Variants in FGF12 observed in about 807,000 individuals in gnomAD.
FGF12 encodes fibroblast growth factor 12B.
In FGF12, 14 loss-of-function variants were observed where a neutral mutation model predicts 23.6. That is an observed-to-expected ratio of 0.59 (90% CI 0.39 to 0.93). The LOEUF (loss-of-function observed/expected upper bound fraction) is 0.93. Among genes scored for constraint, FGF12 ranks in the 40% least tolerant of loss-of-function variants. The pLI is 0.00. For synonymous variants in FGF12, 62 were observed against 77.3 expected, an observed-to-expected ratio of 0.80 and a Z score of 1.04; for missense variants, 175 against 217.8, an observed-to-expected ratio of 0.80 and a Z score of 1.24.
intron 2 of FGF12, among the ~76,000 whole-genome samples, chr3:192,432,620 C>CAAAAAAAAAAAAA (rs201364119): frequency 8.4e-5 from 9 of 106,720 alleles, no homozygotes; most frequent in East Asian, 3.0e-4. Context: ...TGACATCTGG[C>CAAAAAAAAAAAAA]AAAAAAAAAA....
At chr3:192,247,920 T>C (rs571871174) in intron 4 of FGF12, among the ~76,000 whole-genome samples, 1 of 152,308 alleles carries the variant, frequency 6.6e-6, no homozygotes, top group Non-Finnish European at 1.5e-5. Flanking sequence ...TTGTAATGTC[T>C]AAAAAATTAG....
intron 5 of FGF12, among the ~76,000 whole-genome samples, chr3:192,149,239 A>G (rs755678815): frequency 6.6e-5 from 10 of 152,226 alleles, no homozygotes; most frequent in Non-Finnish European, 1.2e-4. Context: ...ACAACTAGTC[A>G]GTATAGTCAA....
At chr3:192,230,818 T>C (rs552429257) in intron 4 of FGF12, among the ~76,000 whole-genome samples, 71 of 152,234 alleles carry the variant, frequency 4.7e-4, no homozygotes, top group Non-Finnish European at 7.9e-4. Context: ...GAATGATCAA[T>C]CAAATTCATA....
intron 2 of FGF12, among the ~76,000 whole-genome samples, chr3:192,365,545 T>C (rs193188857): frequency 6.6e-6 from 1 of 152,204 alleles, no homozygotes; most frequent in Non-Finnish European, 1.5e-5. Context: ...ATGAGAACTC[T>C]GTACTATCTT....
intron 2 of FGF12, among the ~76,000 whole-genome samples, chr3:192,527,627 T>C (rs556089838): frequency 6.6e-6 from 1 of 152,378 alleles, no homozygotes; most frequent in Non-Finnish European, 1.5e-5. Flanking sequence ...CCTGGGCTTA[T>C]GTAAATAATC....
rs199759141 is a variant in FGF12 at position 192,376,121 on chromosome 3, G to A, written c.14-15583C>T. ...CATTGTATCTTTTCTTCTTTCCCAG[G>A]ACTCCATTGAAATGCATGTTGGAGC... On this transcript the variant is annotated intron_variant, in intron 2 of 5. Coordinates refer to ENST00000445105, the MANE Select transcript of FGF12 (RefSeq NM_004113.6). Among the ~76,000 whole-genome samples the A allele has an allele frequency of 1.5e-4, 22 of 151,708 alleles. No homozygotes were observed. In the East Asian group the frequency reaches 3.9e-3, roughly 27 times the overall value.
At chr3:192,711,514 A>G (rs1367242120) in intron 2 of FGF12, among the ~76,000 whole-genome samples, 1 of 152,320 alleles carries the variant, frequency 6.6e-6, no homozygotes, top group East Asian at 1.9e-4. Flanking sequence ...AAAGGGGGAA[A>G]TGTGGGGAAA....
At chr3:192,541,551 G>C (rs1268725631) in intron 2 of FGF12, among the ~76,000 whole-genome samples, 3 of 151,998 alleles carry the variant, frequency 2.0e-5, no homozygotes, top group African/African-American at 7.2e-5. Flanking sequence ...TAAGATGTGA[G>C]TAGTTTACAC....
intron 2 of FGF12, among the ~76,000 whole-genome samples, chr3:192,400,481 G>T (rs1193731136): frequency 6.7e-6 from 1 of 148,748 alleles, no homozygotes; most frequent in African/African-American, 2.5e-5. Context: ...TGATTCTCCT[G>T]CCTCAGCCTC....
intron 2 of FGF12, among the ~76,000 whole-genome samples, chr3:192,419,057 A>G (rs1721441828): frequency 6.6e-6 from 1 of 152,188 alleles, no homozygotes; most frequent in Non-Finnish European, 1.5e-5. Flanking sequence ...TGGGAAAGCT[A>G]AAAGTCATAG....
intron 4 of FGF12, among the ~76,000 whole-genome samples, chr3:192,230,003 G>A (rs1023805412): frequency 3.3e-5 from 5 of 152,024 alleles, no homozygotes; most frequent in African/African-American, 7.2e-5. Flanking sequence ...TGCATATGAC[G>A]GAGCTTATTA....
intron 2 of FGF12, among the ~76,000 whole-genome samples, chr3:192,668,836 A>T (rs1260746511): frequency 3.3e-5 from 5 of 152,246 alleles, no homozygotes; most frequent in Non-Finnish European, 5.9e-5. Flanking sequence ...AGGATAATCC[A>T]TATCCACGAA....
chr3:192,244,971 A>G (rs1719812034), intron 4 of FGF12: 1 of 152,182 alleles, frequency 6.6e-6, no homozygotes, highest in Admixed American at 6.5e-5. Flanking sequence ...TGAATATTCT[A>G]TTCCAAGACT....
intron 2 of FGF12, among the ~76,000 whole-genome samples, chr3:192,436,482 C>T (rs987317622): frequency 7.2e-5 from 11 of 152,228 alleles, no homozygotes; most frequent in Admixed American, 5.2e-4. Flanking sequence ...TGGGTGCTGC[C>T]GATGCTGCTG....
At chr3:192,565,072 C>T (rs966931005) in intron 2 of FGF12, among the ~76,000 whole-genome samples, 10 of 152,154 alleles carry the variant, frequency 6.6e-5, no homozygotes, top group Non-Finnish European at 1.0e-4. Flanking sequence ...AAATATTAAT[C>T]ACTGTTTATT....
At chr3:192,649,589 C>T (rs1332113823) in intron 2 of FGF12, among the ~76,000 whole-genome samples, 1 of 151,724 alleles carries the variant, frequency 6.6e-6, no homozygotes, top group Non-Finnish European at 1.5e-5. Context: ...AGAGTCTCAC[C>T]CTGTCTTCCA....
intron 2 of FGF12, among the ~76,000 whole-genome samples, chr3:192,668,712 A>C (rs1378587248): frequency 1.3e-5 from 2 of 152,130 alleles, no homozygotes; most frequent in Non-Finnish European, 2.9e-5. Flanking sequence ...AAAACTGCAG[A>C]ACTCCCTGCA....
chr3:192,454,783 G>A (rs930611888), intron 2 of FGF12, among the ~76,000 whole-genome samples: 7 of 152,122 alleles, frequency 4.6e-5, no homozygotes, highest in Admixed American at 3.3e-4. Flanking sequence ...CAGATCTGAG[G>A]AGAAAAAGGT....
intron 2 of FGF12, among the ~76,000 whole-genome samples, chr3:192,460,819 A>T (rs1395068229): frequency 6.6e-6 from 1 of 152,052 alleles, no homozygotes; most frequent in Admixed American, 6.6e-5. Context: ...GGCAAGAATC[A>T]TGGGGCTTAG....
Sources: allele counts gnomAD v4.1 joint callset (sites outside exome capture counted in the v4.1 genomes callset), GRCh38; gene constraint gnomAD v4.1.1; transcripts MANE v1.5; gene names NCBI Gene and HGNC (gene_info 2026-07-23, HGNC 2026-07-21).